The following ATG4C variants were observed in gnomAD, a reference collection of about 807,000 sequenced individuals.
ATG4C encodes autophagy related 4C cysteine peptidase.
ATG4C carries 56 observed loss-of-function variants against 57.6 expected under a neutral mutation model. That is an observed-to-expected ratio of 0.97 (90% CI 0.78 to 1.21). The LOEUF (loss-of-function observed/expected upper bound fraction) is 1.21. Among genes scored for constraint, ATG4C ranks in the 50% most tolerant of loss-of-function variants. The pLI is 0.00. For synonymous variants in ATG4C, 157 were observed against 174.1 expected (o/e 0.90, Z 0.78); for missense variants, 595 against 529.8 (o/e 1.12, Z -1.21).
At chr1:62,843,714 C>T (rs116717721) in intron 10 of ATG4C, among the ~76,000 whole-genome samples, 3,206 of 152,202 alleles carry the variant, frequency 0.021, 118 homozygotes, top group African/African-American at 0.073. Context: ...AGAATTCAGT[C>T]TAGCAAGTAT....
rs201027291 is a variant in ATG4C, at chr1:62,841,438, G to T, written c.1100G>T (p.Cys367Phe). ...CTTTAAAAATTACAGACATTCCACT[G>T]CCCTTCTCCCAAAAAGATGTCTTTT... ...IKDFPLETFHCPSPKKMSFRK... is the reference protein window; with the variant it reads ...IKDFPLETFHFPSPKKMSFRK... Residue 367 changes from cysteine (C) to phenylalanine (F), a missense_variant, in exon 10 of 11, where the codon TGC becomes TTC. Coordinates refer to ENST00000317868, the MANE Select transcript of ATG4C (RefSeq NM_032852.4). 1 of 1,605,560 alleles carries T rather than the reference G, an allele frequency of 6.2e-7. No homozygotes were observed. Among genetic ancestry groups the T allele is most frequent in the South Asian group, 1.1e-5 (1 of 89,328 alleles).
At chr1:62,801,714 T>G (rs981592431) in intron 1 of ATG4C, among the ~76,000 whole-genome samples, 18 of 151,092 alleles carry the variant, frequency 1.2e-4, no homozygotes, top group Admixed American at 9.2e-4. Context: ...ATCCCAGCAC[T>G]TTGGGAGGCC....
chr1:62,835,255 C>T, intron 9 of ATG4C: 1 of 220,884 alleles, frequency 4.5e-6, no homozygotes, highest in East Asian at 1.3e-4. Context: ...ATGCGGTTAT[C>T]TGCTAAATTA....
intron 3 of ATG4C, among the ~76,000 whole-genome samples, chr1:62,808,249 A>G (rs1392320177): frequency 6.6e-6 from 1 of 152,192 alleles, no homozygotes; most frequent in Non-Finnish European, 1.5e-5. Context: ...CATCTGGCAG[A>G]TGATTGGATT....
chr1:62,793,926 G>A (rs1210869128), intron 1 of ATG4C, among the ~76,000 whole-genome samples: 1 of 152,138 alleles, frequency 6.6e-6, no homozygotes, highest in African/African-American at 2.4e-5. Flanking sequence ...AATATTAAGA[G>A]CTTGGAAAGT....
At chr1:62,793,041 C>A (rs1410896258) in intron 1 of ATG4C, among the ~76,000 whole-genome samples, 6 of 151,884 alleles carry the variant, frequency 4.0e-5, no homozygotes, top group Non-Finnish European at 8.8e-5. Context: ...CGCCTGCCAC[C>A]ACGCCCGGCT....
At chr1:62,800,199 T>G (rs1664611948) in intron 1 of ATG4C, among the ~76,000 whole-genome samples, 2 of 152,160 alleles carry the variant, frequency 1.3e-5, no homozygotes, top group Non-Finnish European at 2.9e-5. Flanking sequence ...CCTTCTTTCT[T>G]TCAGACTTAG....
intron 2 of ATG4C, 28 bp from the exon 3 acceptor site, chr1:62,805,144 T>C (rs1664813875): frequency 6.6e-7 from 1 of 1,516,620 alleles, no homozygotes; most frequent in Non-Finnish European, 8.7e-7. Flanking sequence ...TACAAAACGT[T>C]TTCTTTTCTT....
chr1:62,823,265 T>A (rs1394249101), intron 6 of ATG4C, among the ~76,000 whole-genome samples: 4 of 152,232 alleles, frequency 2.6e-5, no homozygotes, highest in African/African-American at 7.2e-5. Flanking sequence ...TCAGCACGTT[T>A]AAAAGTACAC....
Position 62,864,182 on chromosome 1 carries a change from TAAG to T in ATG4C, c.*29_*31del, listed in dbSNP as rs747440648. 1.9e-5 allele frequency: 30 copies of T among 1,567,376 alleles called. No individual in the cohort carries two copies. The highest frequency in any genetic ancestry group is 6.0e-5 in the South Asian group (5 of 82,734). On this transcript the variant is annotated 3_prime_UTR_variant, in exon 11 of 11. Coordinates refer to ENST00000317868, the MANE Select transcript of ATG4C (RefSeq NM_032852.4). ...TAAAGATTAGCACATTTGTGCTTGATAAGAAGAATTCCATTGAAAGGGGAAAAA... is the reference window on the plus strand; with the variant it reads ...TAAAGATTAGCACATTTGTGCTTGATAAGAATTCCATTGAAAGGGGAAAAA...
intron 3 of ATG4C, among the ~76,000 whole-genome samples, chr1:62,810,613 C>A (rs1665050337): frequency 6.6e-6 from 1 of 152,042 alleles, no homozygotes; most frequent in African/African-American, 2.4e-5. Context: ...CCACATAAAT[C>A]TTACGAAACA....
rs1432897758 is a variant in ATG4C at position 62,834,635 on chromosome 1, CTA to C, written c.1013-139_1013-138del. The C allele has an allele frequency of 6.2e-6, 4 of 640,096 alleles. No homozygotes were observed. The East Asian group carries it at 1.1e-4, about 18-fold the overall frequency. The allele number at this position is 640,096 out of a possible 1,614,324, so 39.7% of individuals were successfully genotyped here. On this transcript the variant is annotated intron_variant, in intron 8 of 10. Transcript: ENST00000317868. ...AAAAGTTAATCTATCCTGTGCAAAC[CTA>C]TGTTTCAGTCAATGAATATCAGTCT...
At chr1:62,807,739 C>T (rs192764305) in intron 3 of ATG4C, among the ~76,000 whole-genome samples, 1 of 152,268 alleles carries the variant, frequency 6.6e-6, no homozygotes, top group Non-Finnish European at 1.5e-5. Flanking sequence ...TTTATGATAT[C>T]CTTTATAATA....
At position 62,864,215 on chromosome 1, in the gene ATG4C, G is replaced by C. The variant is rs922950396; in HGVS notation, c.*56G>C. 7.2e-7 allele frequency: 1 copy of C among 1,388,736 alleles called. No homozygotes were observed. The highest frequency in any genetic ancestry group is 9.8e-7 in the Non-Finnish European group (1 of 1,020,150). 86.0% of individuals were successfully genotyped at this position (1,388,736 alleles called of 1,614,324 possible). A position where few individuals can be genotyped will look rare whatever the true frequency, so the allele number is the denominator to read the frequency against. On this transcript the variant is annotated 3_prime_UTR_variant, in exon 11 of 11. Transcript: ENST00000317868. ...ATTCCATTGAAAGGGGAAAAATGAA[G>C]AGAAACAAGTATATCTGAAATGTTT...
Position 62,864,100 on chromosome 1 carries a change from T to C in ATG4C, c.1318T>C (p.Ser440Pro). ...STTTNEEDLF[S>P]EDEKKQLKRF... Reference sequence around the variant, plus strand: ...TACAACCAATGAAGAAGACCTTTTTTCAGAGGATGAAAAGAAACAATTAAA... The same window carrying C: ...TACAACCAATGAAGAAGACCTTTTTCCAGAGGATGAAAAGAAACAATTAAA... Residue 440 changes from serine (S) to proline (P), a missense_variant, in exon 11 of 11, where the codon TCA (serine) becomes CCA (proline). Coordinates refer to ENST00000317868, the MANE Select transcript of ATG4C (RefSeq NM_032852.4). 6.2e-7 allele frequency: 1 copy of C among 1,608,970 alleles called. No individual in the cohort carries two copies. Among genetic ancestry groups the C allele is most frequent in the African/African-American group, 1.3e-5 (1 of 74,734 alleles).
chr1:62,821,636 T>G (rs1211020924), intron 6 of ATG4C, among the ~76,000 whole-genome samples: 1 of 152,092 alleles, frequency 6.6e-6, no homozygotes, highest in African/African-American at 2.4e-5. Context: ...TGTCCAGATT[T>G]GCTTTGTTTT....
At chr1:62,832,496 G>T (rs1665874102) in intron 7 of ATG4C, among the ~76,000 whole-genome samples, 1 of 152,116 alleles carries the variant, frequency 6.6e-6, no homozygotes, top group Non-Finnish European at 1.5e-5. Flanking sequence ...TCCTCACGTG[G>T]CAGAGGAGCA....
chr1:62,812,207 A>T (rs1171510971), intron 3 of ATG4C, among the ~76,000 whole-genome samples: 1 of 152,188 alleles, frequency 6.6e-6, no homozygotes, highest in Non-Finnish European at 1.5e-5. Flanking sequence ...ATCAACATTG[A>T]TGCGAAAATC....
At chr1:62,823,443 A>G (rs1665548892) in intron 6 of ATG4C, among the ~76,000 whole-genome samples, 1 of 152,164 alleles carries the variant, frequency 6.6e-6, no homozygotes, top group Admixed American at 6.6e-5. Context: ...TGTTCCTGAA[A>G]TCTGTTCTCT....
Sources: allele counts gnomAD v4.1 joint callset (sites outside exome capture counted in the v4.1 genomes callset), GRCh38; gene constraint gnomAD v4.1.1; transcripts MANE v1.5; gene names NCBI Gene and HGNC (gene_info 2026-07-23, HGNC 2026-07-21).